The following GLB1L3 variants were observed in gnomAD, a reference collection of about 807,000 sequenced individuals.
GLB1L3 encodes galactosidase beta 1 like 3.
GLB1L3 carries 89 observed loss-of-function variants against 89.5 expected under a neutral mutation model. The observed-to-expected ratio is 0.99, with a 90% CI of 0.84 to 1.19. The LOEUF is 1.19. GLB1L3 is among the 50% of genes most tolerant of loss of function. GLB1L3 has a pLI of 0.00. For synonymous variants in GLB1L3, 314 were observed against 312.3 expected, an observed-to-expected ratio of 1.01 and a Z score of -0.06; for missense variants, 812 against 813.3, an observed-to-expected ratio of 1.00 and a Z score of 0.02.
chr11:134,309,805 G>T, intron 11 of GLB1L3, 42 bp downstream of exon 11: 2 of 1,604,292 alleles, frequency 1.2e-6, no homozygotes, highest in Non-Finnish European at 1.7e-6. Flanking sequence ...CATGGGCGGT[G>T]CTGGGGCTTT....
intron 9 of GLB1L3, among the ~76,000 whole-genome samples, chr11:134,304,588 A>T (rs1942097946): frequency 6.6e-6 from 1 of 151,278 alleles, no homozygotes; most frequent in Non-Finnish European, 1.5e-5. Context: ...CACAATGTTT[A>T]TTTTCCTTTT....
chr11:134,300,967 C>T (rs900595310), intron 9 of GLB1L3, among the ~76,000 whole-genome samples: 6 of 152,192 alleles, frequency 3.9e-5, no homozygotes, highest in African/African-American at 9.7e-5. Context: ...GGGATTCTCC[C>T]GAATCTCCCC....
At chr11:134,300,723 C>G (rs1466803604) in intron 9 of GLB1L3, among the ~76,000 whole-genome samples, 1 of 152,158 alleles carries the variant, frequency 6.6e-6, no homozygotes, top group Non-Finnish European at 1.5e-5. Context: ...TCTTAACGTG[C>G]CCTCGCATGG....
intron 10 of GLB1L3, among the ~76,000 whole-genome samples, chr11:134,308,269 C>CACCACCAAAT: frequency 2.0e-5 from 1 of 50,510 alleles, no homozygotes; most frequent in Middle Eastern, 7.4e-3. Context: ...CCACCACCAC[C>CACCACCAAAT]ACCACCACCA....
chr11:134,291,353 G>C (rs1200968923), intron 7 of GLB1L3, among the ~76,000 whole-genome samples: 1 of 150,264 alleles, frequency 6.7e-6, no homozygotes, highest in African/African-American at 2.5e-5. Flanking sequence ...CTCTACCTCT[G>C]GTTTCAAGCA....
chr11:134,277,898 C>T lies in GLB1L3; in HGVS notation c.348C>T (p.Phe116=). 6.2e-7 allele frequency: 1 copy of T among 1,613,924 alleles called. No individual in the cohort carries two copies. The change falls in exon 3 of 20, where the codon TTC becomes TTT. Residue 116 remains phenylalanine, a synonymous_variant. Transcript: ENST00000431683. ...TGCTGAAGCTGAAGGCCTGTGGCTTCAATACTGTCACCACGTGAGTGCCGG... is the reference window on the plus strand; with the variant it reads ...TGCTGAAGCTGAAGGCCTGTGGCTTTAATACTGTCACCACGTGAGTGCCGG... ...DRLLKLKACG[F]NTVTTYVPWN... is the part of the protein sequence containing the mutation.
intron 3 of GLB1L3, among the ~76,000 whole-genome samples, chr11:134,280,246 T>C (rs978992374): frequency 6.6e-6 from 1 of 152,170 alleles, no homozygotes; most frequent in African/African-American, 2.4e-5. Context: ...CTTGGGATCA[T>C]GGACTATGTG....
At chr11:134,316,447 CT>C (rs914501148) in intron 18 of GLB1L3, among the ~76,000 whole-genome samples, 4 of 152,086 alleles carry the variant, frequency 2.6e-5, no homozygotes, top group Admixed American at 2.0e-4. Context: ...ATTTTAGTGT[CT>C]TATTAGTTGG....
At position 134,313,961 on chromosome 11, in the gene GLB1L3, A is replaced by T; in HGVS notation, c.1600A>T (p.Ile534Phe). ...EQKGITGSVSINNSSLEGFTI... is the reference protein window; with the variant it reads ...EQKGITGSVSFNNSSLEGFTI... ...TGCAGGAATAACTGGATCTGTCAGC[A>T]TCAATAACTCTTCCCTGGAGGGCTT... The change falls in exon 17 of 20, where the codon ATC becomes TTC. Residue 534 changes from isoleucine to phenylalanine, a missense_variant. Transcript: ENST00000431683. 1.2e-6 allele frequency: 2 copies of T among 1,611,992 alleles called. No individual in the cohort carries two copies. The highest frequency in any genetic ancestry group is 1.7e-6 in the Non-Finnish European group (2 of 1,178,388).
rs147078049 is a variant in GLB1L3 at position 134,283,827 on chromosome 11, C to G, written c.618C>G (p.Pro206=). 7,048 of 1,606,752 alleles carry G rather than the reference C, an allele frequency of 4.4e-3. 21 individuals carry two copies. The highest frequency in any genetic ancestry group is 4.6e-3 in the Non-Finnish European group (5,440 of 1,174,174). Residue 206 remains proline, a synonymous_variant, in exon 6 of 20, where the codon CCC becomes CCG. Coordinates refer to ENST00000431683, the MANE Select transcript of GLB1L3 (RefSeq NM_001080407.3). The part of the protein sequence containing the change: ...AVEKYFDHLI[P]RVIPLQYRQA... ...AGAAGTATTTTGACCACCTGATTCC[C>G]AGAGTGATTCCTCTCCAGGTAAAGC...
At chr11:134,308,179 CATCACCATCATCACCATCACCACT>C (rs1187768179) in intron 10 of GLB1L3, among the ~76,000 whole-genome samples, 13 of 116,858 alleles carry the variant, frequency 1.1e-4, no homozygotes, top group Middle Eastern at 4.5e-3. Context: ...GCACCACCAC[CATCACCATCATCACCATCACCACT>C]ACCACCACCA....
intron 6 of GLB1L3, among the ~76,000 whole-genome samples, chr11:134,284,682 T>C (rs1016683477): frequency 6.6e-6 from 1 of 151,842 alleles, no homozygotes; most frequent in Non-Finnish European, 1.5e-5. Context: ...TGAGACAAGA[T>C]CATGCCGCCA....
chr11:134,312,185 G>A (rs1161113329), intron 13 of GLB1L3, 164 bp from the exon 14 acceptor site: 1 of 695,530 alleles, frequency 1.4e-6, no homozygotes, highest in Non-Finnish European at 2.4e-6. Context: ...TTCCTGGGCA[G>A]TGGAGACGTA....
At chr11:134,320,816 G>C (rs1943156987), downstream of GLB1L3, among the ~76,000 whole-genome samples, 1 of 151,868 alleles carries the variant, frequency 6.6e-6, no homozygotes, top group African/African-American at 2.4e-5. Context: ...CCCACTAAAT[G>C]ATGTTCTGTA....
chr11:134,298,399 G>A (rs1941769088), intron 9 of GLB1L3, among the ~76,000 whole-genome samples: 1 of 152,104 alleles, frequency 6.6e-6, no homozygotes, highest in African/African-American at 2.4e-5. Flanking sequence ...TTATGAACAT[G>A]GAAGCAAAAA....
Position 134,314,398 on chromosome 11 carries a change from T to C in GLB1L3, c.1736T>C (p.Leu579Ser). 1 of 1,551,706 alleles carries C rather than the reference T, an allele frequency of 6.4e-7. No homozygotes were observed. The highest frequency in any genetic ancestry group is 8.7e-7 in the Non-Finnish European group (1 of 1,146,984). The part of the protein sequence containing the change: ...HQGPAFYCGT[L>S]KAGPSPKDTF... ...GGCCCGGCCTTCTACTGTGGGACCTTGAAGGCTGGCCCTTCTCCCAAGGAC... is the reference window on the plus strand; with the variant it reads ...GGCCCGGCCTTCTACTGTGGGACCTCGAAGGCTGGCCCTTCTCCCAAGGAC... The change falls in exon 18 of 20, where the codon TTG becomes TCG. Residue 579 changes from leucine to serine, a missense_variant. Physicochemically the swap from Leu to Ser is moderately radical, Grantham distance 145. Coordinates refer to ENST00000431683, the MANE Select transcript of GLB1L3 (RefSeq NM_001080407.3).
At chr11:134,295,835 T>A (rs1207377424) in intron 9 of GLB1L3, among the ~76,000 whole-genome samples, 1 of 152,152 alleles carries the variant, frequency 6.6e-6, no homozygotes, top group African/African-American at 2.4e-5. Context: ...CTTCAAAACA[T>A]TTTTTTAAAT....
In GLB1L3 at chr11:134,292,031, A is replaced by G. The variant is rs550229180; in HGVS notation, c.730-101A>G. The G allele has an allele frequency of 3.2e-5, 24 of 751,372 alleles. 1 individual carries two copies. In the African/African-American group the frequency reaches 3.9e-4, roughly 12 times the overall value. 46.5% of individuals were successfully genotyped at this position (751,372 alleles called of 1,614,324 possible). On this transcript the variant is annotated intron_variant, in intron 7 of 19. Coordinates refer to ENST00000431683, the MANE Select transcript of GLB1L3 (RefSeq NM_001080407.3). ...ACATATTTCTGACTGTGATTGCAGA[A>G]TGCATGGATGCAGAACCCATGAATA... is the stretch of plus-strand genomic sequence containing the variant.
rs1056092422 is a variant in GLB1L3, at chr11:134,311,394, C to G, written c.1287+224C>G. On this transcript the variant is annotated intron_variant, in intron 13 of 19. Coordinates refer to ENST00000431683, the MANE Select transcript of GLB1L3 (RefSeq NM_001080407.3). ...GGGGCAGCAGGACGTCGGAGGATCC[C>G]GGGTTCCCGCTTAGATGAACCTGTC... 3 of 524,808 alleles carry G rather than the reference C, an allele frequency of 5.7e-6. No individual in the cohort carries two copies. In the African/African-American group the frequency reaches 5.8e-5, roughly 10 times the overall value. 32.5% of individuals were successfully genotyped at this position (524,808 alleles called of 1,614,324 possible). A position where few individuals can be genotyped will look rare whatever the true frequency, so the allele number is the denominator to read the frequency against.
Sources: allele counts gnomAD v4.1 joint callset (sites outside exome capture counted in the v4.1 genomes callset), GRCh38; gene constraint gnomAD v4.1.1; transcripts MANE v1.5; gene names NCBI Gene and HGNC (gene_info 2026-07-23, HGNC 2026-07-21).